PRKD1: variants seen among roughly 807,000 people sequenced by gnomAD.
The protein encoded by PRKD1 is serine/threonine-protein kinase D1.
A neutral mutation model predicts 95.9 loss-of-function variants in PRKD1; 63 were observed. The observed-to-expected ratio is 0.66, with a 90% CI of 0.54 to 0.81. PRKD1 has a LOEUF of 0.81. Ranked by LOEUF, PRKD1 falls within the 30% of genes least tolerant of loss-of-function variation. The probability of loss-of-function intolerance (pLI) is 0.00; values close to 1 mark genes in which losing one functional copy is unlikely to be tolerated. For missense variants in PRKD1, 1,048 were observed against 1,165.3 expected (o/e 0.90, Z 1.47); for synonymous variants, 425 against 423.1 (o/e 1.00, Z -0.05).
At chr14:29,713,824 CAGTTCTCAGTTTGA>C (rs1483193496) in intron 2 of PRKD1, among the ~76,000 whole-genome samples, 1 of 152,068 alleles carries the variant, frequency 6.6e-6, no homozygotes, top group Non-Finnish European at 1.5e-5. Flanking sequence ...TAACCATGAC[CAGTTCTCAGTTTGA>C]AGTTCAGGAA....
intron 1 of PRKD1, among the ~76,000 whole-genome samples, chr14:29,926,896 G>C (rs1159687106): frequency 1.3e-5 from 2 of 152,018 alleles, no homozygotes; most frequent in African/African-American, 4.8e-5. Context: ...GGGTCCGTAG[G>C]GGAGAGAGGG....
intron 1 of PRKD1, among the ~76,000 whole-genome samples, chr14:29,885,494 C>T (rs193229168): frequency 5.1e-4 from 77 of 152,102 alleles, no homozygotes; most frequent in African/African-American, 1.8e-3. Flanking sequence ...CTTAAAAGTA[C>T]ATGTCATATA....
intron 1 of PRKD1, among the ~76,000 whole-genome samples, chr14:29,741,319 A>C (rs528325756): frequency 1.2e-4 from 18 of 152,186 alleles, no homozygotes; most frequent in Non-Finnish European, 1.6e-4. Context: ...AATGTTTATA[A>C]ACTTGCCTCT....
chr14:29,685,609 T>G (rs1883812583), intron 2 of PRKD1, among the ~76,000 whole-genome samples: 1 of 152,190 alleles, frequency 6.6e-6, no homozygotes, highest in African/African-American at 2.4e-5. Context: ...TCTAACATAT[T>G]TTCCAGTAAA....
chr14:29,654,355 G>T (rs954815185), intron 4 of PRKD1, among the ~76,000 whole-genome samples: 1 of 151,936 alleles, frequency 6.6e-6, no homozygotes, highest in Non-Finnish European at 1.5e-5. Flanking sequence ...TATGTTTTTA[G>T]TAGAGGCAGG....
At chr14:29,624,386 G>C (rs1187484670) in intron 12 of PRKD1, 128 bp from the exon 13 acceptor site, 1 of 529,466 alleles carries the variant, frequency 1.9e-6, no homozygotes, top group Non-Finnish European at 3.2e-6. Flanking sequence ...CATTTCTAAA[G>C]AGCACTGACT....
chr14:29,680,265 G>A (rs1883467984), intron 2 of PRKD1, among the ~76,000 whole-genome samples: 1 of 152,154 alleles, frequency 6.6e-6, no homozygotes, highest in Non-Finnish European at 1.5e-5. Flanking sequence ...TACCACTAAA[G>A]TAAAGGACAT....
intron 1 of PRKD1, among the ~76,000 whole-genome samples, chr14:29,916,933 C>G (rs1894911350): frequency 1.3e-5 from 2 of 152,086 alleles, no homozygotes; most frequent in Non-Finnish European, 2.9e-5. Context: ...TCCTAACACT[C>G]TGAAAAGGAC....
Position 29,743,399 on chromosome 14 carries a change from A to G in PRKD1, c.265-17725T>C, listed in dbSNP as rs75595902. 6.4e-3 allele frequency among the ~76,000 whole-genome samples: 969 copies of G among 152,312 alleles called. 3 individuals are homozygous for G. The highest frequency in any genetic ancestry group is 0.022 in the African/African-American group (909 of 41,564). On this transcript the variant is annotated intron_variant, in intron 1 of 17. Transcript: ENST00000331968. Reference sequence around the variant, plus strand: ...ATTAAAACTGAAACATTTGAATTAAACATGGTATTTTATATATATATGGAG... The same window carrying G: ...ATTAAAACTGAAACATTTGAATTAAGCATGGTATTTTATATATATATGGAG...
intron 1 of PRKD1, among the ~76,000 whole-genome samples, chr14:29,790,005 G>GTTTT (rs1249843129): frequency 1.5e-5 from 2 of 129,954 alleles, no homozygotes; most frequent in African/African-American, 6.1e-5. Context: ...CAAGCAAGTT[G>GTTTT]TCTTTTTTTT....
intron 1 of PRKD1, among the ~76,000 whole-genome samples, chr14:29,919,703 C>G (rs1247511111): frequency 6.9e-6 from 1 of 145,552 alleles, no homozygotes; most frequent in Non-Finnish European, 1.5e-5. Flanking sequence ...TGGCTCATAC[C>G]TATAATCCTA....
At chr14:29,850,723 C>A (rs959452771) in intron 1 of PRKD1, among the ~76,000 whole-genome samples, 2 of 151,686 alleles carry the variant, frequency 1.3e-5, no homozygotes, top group Non-Finnish European at 2.9e-5. Flanking sequence ...TTAAAAAAAA[C>A]CTATTCTAAA....
chr14:29,577,399 T>G lies in PRKD1; in HGVS notation c.2578A>C (p.Ile860Leu). 6.2e-7 allele frequency: 1 copy of G among 1,613,872 alleles called. No homozygotes were observed. Among genetic ancestry groups the G allele is most frequent in the Non-Finnish European group, 8.5e-7 (1 of 1,179,826 alleles). Reference sequence around the variant, plus strand: ...CTCAGGTCATCACTTTCATGGGTGATGTAGCGCTCCCCGATTTTGCATTCC... The same window carrying G: ...CTCAGGTCATCACTTTCATGGGTGAGGTAGCGCTCCCCGATTTTGCATTCC... The part of the protein sequence containing the change: ...ELECKIGERY[I>L]THESDDLRWE... The change falls in exon 18 of 18, where the codon ATC becomes CTC. Residue 860 changes from isoleucine (I) to leucine (L), a missense_variant. Transcript: ENST00000331968.
At chr14:29,668,207 C>T (rs2139225031) in intron 2 of PRKD1, among the ~76,000 whole-genome samples, 1 of 152,228 alleles carries the variant, frequency 6.6e-6, no homozygotes, top group South Asian at 2.1e-4. Flanking sequence ...GCCACCTCGC[C>T]TAATCACAAA....
At chr14:29,899,444 C>G (rs1380972036) in intron 1 of PRKD1, among the ~76,000 whole-genome samples, 1 of 152,086 alleles carries the variant, frequency 6.6e-6, no homozygotes, top group Non-Finnish European at 1.5e-5. Context: ...GCCCGGAGTT[C>G]AAGAACAGCC....
intron 1 of PRKD1, among the ~76,000 whole-genome samples, chr14:29,871,448 T>C (rs1893102997): frequency 1.3e-5 from 2 of 152,188 alleles, no homozygotes; most frequent in African/African-American, 4.8e-5. Context: ...CAGGAGAGTG[T>C]AGTAGATGCA....
intron 16 of PRKD1, among the ~76,000 whole-genome samples, chr14:29,588,887 G>A (rs1426502509): frequency 6.6e-6 from 1 of 151,244 alleles, no homozygotes; most frequent in Non-Finnish European, 1.5e-5. Flanking sequence ...TGAGAATACC[G>A]ACTAACCATG....
intron 1 of PRKD1, among the ~76,000 whole-genome samples, chr14:29,832,632 T>C (rs765097371): frequency 1.3e-5 from 2 of 152,122 alleles, no homozygotes; most frequent in Non-Finnish European, 2.9e-5. Context: ...ATTTGTAACC[T>C]CCTCAGAGAA....
intron 1 of PRKD1, among the ~76,000 whole-genome samples, chr14:29,854,049 G>A (rs1464292940): frequency 1.3e-5 from 2 of 152,184 alleles, no homozygotes; most frequent in African/African-American, 4.8e-5. Context: ...AGTAGCATGA[G>A]AAAAGACTAA....
Sources: allele counts gnomAD v4.1 joint callset (sites outside exome capture counted in the v4.1 genomes callset), GRCh38; gene constraint gnomAD v4.1.1; transcripts MANE v1.5; gene names NCBI Gene and HGNC (gene_info 2026-07-23, HGNC 2026-07-21).